Variants in GSE1 observed in about 807,000 individuals in gnomAD.
GSE1 encodes the protein Gse1 coiled-coil protein, also known as genetic suppressor element 1.
In GSE1, 32 loss-of-function variants were observed where a neutral mutation model predicts 112.6. The observed-to-expected ratio is 0.28, with a 90% confidence interval of 0.21 to 0.38. The LOEUF (loss-of-function observed/expected upper bound fraction) is 0.38, where lower values mean the gene tolerates loss of function less well. Among genes scored for constraint, GSE1 ranks in the 10% least tolerant of loss-of-function variants. The pLI, the probability that GSE1 is intolerant of heterozygous loss-of-function variation, is 1.00. For synonymous variants in GSE1, 1,115 were observed against 735.6 expected, an observed-to-expected ratio of 1.52 and a Z score of -8.35; for missense variants, 2,348 against 1,699.2, an observed-to-expected ratio of 1.38 and a Z score of -6.71.
chr16:85,577,357 C>G (rs2046270232), intron 1 of GSE1, among the ~76,000 whole-genome samples: 1 of 152,172 alleles, frequency 6.6e-6, no homozygotes, highest in African/African-American at 2.4e-5. Context: ...TTGGGTTTTT[C>G]TCTGCTGTCC....
intron 2 of GSE1, among the ~76,000 whole-genome samples, chr16:85,470,302 G>C (rs888427927): frequency 2.0e-5 from 3 of 152,224 alleles, no homozygotes; most frequent in African/African-American, 7.2e-5. Context: ...GAGTGCCTCT[G>C]TGGGGCTCGG....
At chr16:85,324,509 CAAAAAA>C (rs58493568) in intron 1 of GSE1, among the ~76,000 whole-genome samples, 18 of 98,110 alleles carry the variant, frequency 1.8e-4, no homozygotes, top group African/African-American at 5.7e-4. Context: ...GACTCCCTCT[CAAAAAA>C]AAAAAAAAAA....
intron 2 of GSE1, among the ~76,000 whole-genome samples, chr16:85,376,911 C>T (rs1239170233): frequency 2.0e-5 from 3 of 152,232 alleles, no homozygotes; most frequent in Admixed American, 1.3e-4. Flanking sequence ...ACCGCACACC[C>T]GGCCCCGCGT....
intron 1 of GSE1, among the ~76,000 whole-genome samples, chr16:85,331,403 G>GTA (rs1231874176): frequency 4.1e-5 from 5 of 122,842 alleles, no homozygotes; most frequent in Admixed American, 2.5e-4. Flanking sequence ...GTGTATATAT[G>GTA]TATATATATG....
At chr16:85,208,948 GCA>G (rs2075172171) in intron 1 of GSE1, among the ~76,000 whole-genome samples, 1 of 149,918 alleles carries the variant, frequency 6.7e-6, no homozygotes, top group Non-Finnish European at 1.5e-5. Flanking sequence ...GGGGTTCGCC[GCA>G]TGTTGGGGTT....
At chr16:85,435,843 G>A (rs1325714304) in intron 2 of GSE1, among the ~76,000 whole-genome samples, 1 of 152,124 alleles carries the variant, frequency 6.6e-6, no homozygotes, top group African/African-American at 2.4e-5. Context: ...TGGGCCCTTC[G>A]GCTGTAGGTG....
At chr16:85,533,961 T>C (rs2044230415) in intron 2 of GSE1, among the ~76,000 whole-genome samples, 1 of 152,164 alleles carries the variant, frequency 6.6e-6, no homozygotes, top group African/African-American at 2.4e-5. Flanking sequence ...GTCTGACATA[T>C]GCGTACGTCT....
chr16:85,351,181 C>A (rs369058969), intron 1 of GSE1, among the ~76,000 whole-genome samples: 13 of 152,348 alleles, frequency 8.5e-5, no homozygotes, highest in African/African-American at 1.9e-4. Flanking sequence ...GAGATGGAAT[C>A]TGGCTGGATG....
At chr16:85,309,152 A>T (rs1345141915) in intron 1 of GSE1, among the ~76,000 whole-genome samples, 3 of 151,836 alleles carry the variant, frequency 2.0e-5, no homozygotes, top group Non-Finnish European at 4.4e-5. Context: ...CGCCCACAGG[A>T]AACAGAATGC....
chr16:85,371,358 G>T (rs985891451), intron 2 of GSE1, among the ~76,000 whole-genome samples: 1 of 152,222 alleles, frequency 6.6e-6, no homozygotes, highest in Non-Finnish European at 1.5e-5. Context: ...AGACTTCCAG[G>T]ACAGAAGACG....
intron 2 of GSE1, among the ~76,000 whole-genome samples, chr16:85,424,208 C>T (rs1297149795): frequency 6.6e-6 from 1 of 152,286 alleles, no homozygotes; most frequent in Non-Finnish European, 1.5e-5. Flanking sequence ...ACTTACTGAG[C>T]ACTGTGTTCA....
upstream of GSE1, chr16:85,554,991 A>T: frequency 1.0e-6 from 1 of 985,228 alleles, no homozygotes; most frequent in Non-Finnish European, 1.2e-6. Context: ...CCCCGTCCGC[A>T]TGGATCTGCC....
chr16:85,421,098 T>C (rs1158582985), intron 2 of GSE1, among the ~76,000 whole-genome samples: 1 of 152,062 alleles, frequency 6.6e-6, no homozygotes, highest in Non-Finnish European at 1.5e-5. Context: ...ATATGTTTGG[T>C]GTTGAGCACA....
chr16:85,455,978 G>T (rs1190140703), intron 2 of GSE1, among the ~76,000 whole-genome samples: 9 of 152,232 alleles, frequency 5.9e-5, no homozygotes, highest in African/African-American at 1.4e-4. Context: ...TTATTTTAGA[G>T]ACGAGGAAAC....
At chr16:85,328,280 G>T (rs561808560) in intron 1 of GSE1, among the ~76,000 whole-genome samples, 63 of 152,340 alleles carry the variant, frequency 4.1e-4, no homozygotes, top group African/African-American at 1.5e-3. Flanking sequence ...CCTGTCCAGG[G>T]TGGGGCTGTC....
At chr16:85,445,705 G>A (rs1473555596) in intron 2 of GSE1, among the ~76,000 whole-genome samples, 1 of 152,192 alleles carries the variant, frequency 6.6e-6, no homozygotes, top group East Asian at 1.9e-4. Flanking sequence ...CGGGGAGCGC[G>A]CCAGCAGCAG....
intron 1 of GSE1, among the ~76,000 whole-genome samples, chr16:85,633,132 G>A (rs2049688652): frequency 6.6e-6 from 1 of 152,234 alleles, no homozygotes; most frequent in Non-Finnish European, 1.5e-5. Context: ...CCGCGGTTTG[G>A]ATTTGCGGTT....
At chr16:85,183,707 C>G (rs2074642400) in intron 1 of GSE1, among the ~76,000 whole-genome samples, 1 of 152,232 alleles carries the variant, frequency 6.6e-6, no homozygotes, top group African/African-American at 2.4e-5. Context: ...GATGGCTCAC[C>G]TACGTGGATG....
At chr16:85,441,527 C>T (rs1021686219) in intron 2 of GSE1, among the ~76,000 whole-genome samples, 5 of 152,136 alleles carry the variant, frequency 3.3e-5, no homozygotes, top group South Asian at 2.1e-4. Flanking sequence ...TAGTGGTGTG[C>T]GCCTGTAATC....
Sources: gnomAD v4.1 joint callset for allele counts (sites outside exome capture counted in the v4.1 genomes callset) on GRCh38, gnomAD v4.1.1 for gene constraint, MANE v1.5 for transcripts, NCBI Gene and HGNC (gene_info 2026-07-23, HGNC 2026-07-21) for gene names.